PLXNA4: variants seen among roughly 807,000 people sequenced by gnomAD.
PLXNA4 encodes plexin-A4.
A neutral mutation model predicts 191.8 loss-of-function variants in PLXNA4; 44 were observed. The ratio of observed to expected loss-of-function variants is 0.23; its 90% confidence interval spans 0.18 to 0.29. The LOEUF is 0.29. PLXNA4 is among the 10% of genes least tolerant of loss of function. The probability of loss-of-function intolerance (pLI) is 1.00; values close to 1 mark genes in which losing one functional copy is unlikely to be tolerated. For missense variants in PLXNA4, 1,800 were observed against 2,488.8 expected, an observed-to-expected ratio of 0.72 and a Z score of 5.89; for synonymous variants, 1,082 against 1,009.5, an observed-to-expected ratio of 1.07 and a Z score of -1.36.
chr7:132,506,098 G>A (rs747214261), intron 2 of PLXNA4, among the ~76,000 whole-genome samples: 7 of 152,132 alleles, frequency 4.6e-5, no homozygotes, highest in Middle Eastern at 3.4e-3. Context: ...AAGAAGAGAC[G>A]ACATCTCTTA....
chr7:132,345,695 C>T (rs183429406), intron 3 of PLXNA4, among the ~76,000 whole-genome samples: 2 of 152,200 alleles, frequency 1.3e-5, no homozygotes, highest in African/African-American at 2.4e-5. Flanking sequence ...TGGCAGGGCC[C>T]CAGGGGCTCC....
intron 3 of PLXNA4, among the ~76,000 whole-genome samples, chr7:132,313,091 G>A (rs561538652): frequency 1.3e-4 from 20 of 152,260 alleles, no homozygotes; most frequent in African/African-American, 3.9e-4. Context: ...GATGCACATG[G>A]GGGTGGTCCT....
intron 2 of PLXNA4, among the ~76,000 whole-genome samples, chr7:132,639,631 C>G (rs1803676581): frequency 1.3e-5 from 2 of 152,210 alleles, no homozygotes. Context: ...CCCACCCCTA[C>G]CTGGTTCCCC....
intron 3 of PLXNA4, among the ~76,000 whole-genome samples, chr7:132,342,001 C>A (rs1040386564): frequency 6.6e-6 from 1 of 151,580 alleles, no homozygotes; most frequent in African/African-American, 2.4e-5. Flanking sequence ...CATTTTTAAC[C>A]ATTTAAAATG....
chr7:132,132,497 T>TTA (rs367658994), intron 31 of PLXNA4, among the ~76,000 whole-genome samples: 1 of 111,938 alleles, frequency 8.9e-6, no homozygotes, highest in South Asian at 3.0e-4. Flanking sequence ...GCTCTATTCT[T>TTA]TTCTATTCTA....
intron 1 of PLXNA4, among the ~76,000 whole-genome samples, chr7:132,563,208 CCTCCTCCTCCTT>C (rs1801413820): frequency 9.5e-6 from 1 of 105,058 alleles, no homozygotes. Flanking sequence ...TCTTCCTCCT[CCTCCTCCTCCTT>C]CTCCTCCTCT....
At chr7:132,570,536 T>G (rs539627379) in intron 1 of PLXNA4, among the ~76,000 whole-genome samples, 1 of 152,296 alleles carries the variant, frequency 6.6e-6, no homozygotes, top group African/African-American at 2.4e-5. Context: ...AAGAGTTCAG[T>G]GAGTATGTCA....
At chr7:132,546,478 TATC>T (rs1800311303) in intron 1 of PLXNA4, among the ~76,000 whole-genome samples, 1 of 152,190 alleles carries the variant, frequency 6.6e-6, no homozygotes, top group Non-Finnish European at 1.5e-5. Context: ...TTTGTAAGCA[TATC>T]TCCAGAATCT....
At chr7:132,270,438 T>C (rs1188407108) in intron 4 of PLXNA4, among the ~76,000 whole-genome samples, 2 of 152,186 alleles carry the variant, frequency 1.3e-5, no homozygotes, top group African/African-American at 4.8e-5. Context: ...CTTCGCAGTT[T>C]CATTAGGGTG....
rs567771079 is a variant in PLXNA4, at chr7:132,128,102, C to T, written c.*2377G>A. ...CGTTTGTGTCTCTTTCCTCCCCAAC[C>T]CTTTATATGTGCAAAAATATTGTAG... On this transcript the variant is annotated 3_prime_UTR_variant, in exon 32 of 32. Coordinates refer to ENST00000321063, the MANE Select transcript of PLXNA4 (RefSeq NM_020911.2). The T allele has an allele frequency of 6.6e-6, 1 of 151,986 alleles. No homozygotes were observed. Among genetic ancestry groups the T allele is most frequent in the African/African-American group, 2.4e-5 (1 of 41,382 alleles). The allele number at this position is 151,986 out of a possible 1,614,324, so 9.4% of individuals were successfully genotyped here. A position where few individuals can be genotyped will look rare whatever the true frequency, so the allele number is the denominator to read the frequency against.
At chr7:132,614,039 C>T (rs1015121794) in intron 2 of PLXNA4, among the ~76,000 whole-genome samples, 3 of 152,062 alleles carry the variant, frequency 2.0e-5, no homozygotes, top group Non-Finnish European at 4.4e-5. Flanking sequence ...GTGAGAAAGC[C>T]CAGGACTTTG....
intron 10 of PLXNA4, among the ~76,000 whole-genome samples, chr7:132,206,912 G>A (rs1178562948): frequency 6.6e-6 from 1 of 152,168 alleles, no homozygotes; most frequent in Non-Finnish European, 1.5e-5. Context: ...CCTGGAGGCC[G>A]GGAGGTTAAG....
chr7:132,322,671 C>T lies in PLXNA4; in HGVS notation c.1372-24449G>A, dbSNP rs111924418. Among the ~76,000 whole-genome samples, 219 of 152,278 alleles carry T rather than the reference C, an allele frequency of 1.4e-3. 1 individual carries two copies. The highest frequency in any genetic ancestry group is 5.1e-3 in the African/African-American group (211 of 41,546). On this transcript the variant is annotated intron_variant, in intron 3 of 31. Coordinates refer to ENST00000321063, the MANE Select transcript of PLXNA4 (RefSeq NM_020911.2). ...ACCTGGCCACATAGGTGAGTTGCTC[C>T]GTCACTATCACTCATTTAGTTGGAG...
chr7:132,465,495 T>G (rs986800988), intron 3 of PLXNA4, among the ~76,000 whole-genome samples: 1 of 152,234 alleles, frequency 6.6e-6, no homozygotes. Context: ...GTCCTTGGAT[T>G]GGAGTGAAGT....
chr7:132,147,311 G>T (rs535538917), intron 27 of PLXNA4, among the ~76,000 whole-genome samples: 2 of 152,270 alleles, frequency 1.3e-5, no homozygotes, highest in South Asian at 2.1e-4. Context: ...TATCTAGAAT[G>T]ATCCTGTTCA....
intron 30 of PLXNA4, among the ~76,000 whole-genome samples, chr7:132,134,800 A>G (rs1012744192): frequency 6.6e-6 from 1 of 151,758 alleles, no homozygotes; most frequent in Admixed American, 6.6e-5. Context: ...ATCTTCTTCC[A>G]TTCCCCGCCC....
intron 1 of PLXNA4, among the ~76,000 whole-genome samples, chr7:132,522,411 C>T (rs1799225912): frequency 6.6e-6 from 1 of 152,150 alleles, no homozygotes; most frequent in Non-Finnish European, 1.5e-5. Context: ...ATTAACTTTC[C>T]CAAAGTCATG....
At position 132,541,839 on chromosome 7, in the gene PLXNA4, C is replaced by T. The variant is rs1800101044; in HGVS notation, c.-86-33060G>A. 2.0e-5 allele frequency among the ~76,000 whole-genome samples: 3 copies of T among 152,222 alleles called. No individual in the cohort carries two copies. The South Asian group carries it at 6.2e-4, about 32-fold the overall frequency. Reference sequence around the variant, plus strand: ...TGCATCTGCTCAGATTCTAACAGATCCGCAGGCATTTAAGGCATCTCAGGG... The same window carrying T: ...TGCATCTGCTCAGATTCTAACAGATTCGCAGGCATTTAAGGCATCTCAGGG... On this transcript the variant is annotated intron_variant, in intron 1 of 31. Coordinates refer to ENST00000321063, the MANE Select transcript of PLXNA4 (RefSeq NM_020911.2).
intron 3 of PLXNA4, among the ~76,000 whole-genome samples, chr7:132,440,756 T>A (rs933542215): frequency 2.6e-5 from 4 of 152,188 alleles, no homozygotes; most frequent in African/African-American, 9.7e-5. Flanking sequence ...AAGGCCTAGC[T>A]GCTGTTATGG....
Sources: allele counts gnomAD v4.1 joint callset (sites outside exome capture counted in the v4.1 genomes callset), GRCh38; gene constraint gnomAD v4.1.1; transcripts MANE v1.5; gene names NCBI Gene and HGNC (gene_info 2026-07-23, HGNC 2026-07-21).